The following PIAS4 variants were observed in gnomAD, a reference collection of about 807,000 sequenced individuals.
PIAS4 encodes protein inhibitor of activated STAT 4, also known as E3 SUMO-protein ligase PIAS4.
A neutral mutation model predicts 58.0 loss-of-function variants in PIAS4; 7 were observed. That is an observed-to-expected ratio of 0.12 (90% confidence interval 0.07 to 0.23). PIAS4 has a LOEUF of 0.23. Among genes scored for constraint, PIAS4 ranks in the 10% least tolerant of loss-of-function variants. The pLI is 1.00. For missense variants in PIAS4, 550 were observed against 709.5 expected, an observed-to-expected ratio of 0.78 and a Z score of 2.55; for synonymous variants, 364 against 312.4, an observed-to-expected ratio of 1.17 and a Z score of -1.74.
chr19:4,035,918 ACACACCTG>A (rs2040273684), intron 9 of PIAS4, among the ~76,000 whole-genome samples: 1 of 55,140 alleles, frequency 1.8e-5, no homozygotes, highest in African/African-American at 6.6e-5. Context: ...CGTCTCACAC[ACACACCTG>A]CACACATCCA....
Position 4,037,255 on chromosome 19 carries a change from G to A in PIAS4, c.1143-119G>A, listed in dbSNP as rs2040308054. 7.6e-7 allele frequency: 1 copy of A among 1,318,938 alleles called. No homozygotes were observed. Among genetic ancestry groups the A allele is most frequent in the East Asian group, 2.4e-5 (1 of 41,892 alleles). The allele number at this position is 1,318,938 out of a possible 1,614,324, so 81.7% of individuals were successfully genotyped here. A position where few individuals can be genotyped will look rare whatever the true frequency, so the allele number is the denominator to read the frequency against. On this transcript the variant is annotated intron_variant, in intron 9 of 10. Coordinates refer to ENST00000262971, the MANE Select transcript of PIAS4 (RefSeq NM_015897.4). This position sits in a 1 kb window ranked among gnomAD's most constrained non-coding sequence, Gnocchi z 5.8. ...TGGACCCCTGCGGTCGGGGTGGTGAGGCTGCTCTTGCAGAGAGAAGTGGGG... is the reference window on the plus strand; with the variant it reads ...TGGACCCCTGCGGTCGGGGTGGTGAAGCTGCTCTTGCAGAGAGAAGTGGGG...
In PIAS4 at chr19:4,029,158, T is replaced by G. The variant is rs1323499228; in HGVS notation, c.907+122T>G. ...ATCGATCAGGGGCCGCCTGTCACTCTGGGGGTCCATGGCCCCCCGGCTGTG... is the reference window on the plus strand; with the variant it reads ...ATCGATCAGGGGCCGCCTGTCACTCGGGGGGTCCATGGCCCCCCGGCTGTG... On this transcript the variant is annotated intron_variant, in intron 7 of 10. Coordinates refer to ENST00000262971, the MANE Select transcript of PIAS4 (RefSeq NM_015897.4). 17 of 683,754 alleles carry G rather than the reference T, an allele frequency of 2.5e-5. No individual in the cohort carries two copies. The Middle Eastern group carries it at 1.2e-3, about 47-fold the overall frequency. 42.4% of individuals were successfully genotyped at this position (683,754 alleles called of 1,614,324 possible).
At chr19:4,025,015 C>T (rs2040148521) in intron 3 of PIAS4, among the ~76,000 whole-genome samples, 1 of 152,246 alleles carries the variant, frequency 6.6e-6, no homozygotes, top group African/African-American at 2.4e-5. Context: ...TCACCCACCT[C>T]AGCCTCCCAG....
chr19:4,037,333 G>T lies in PIAS4; in HGVS notation c.1143-41G>T. 1 of 1,563,318 alleles carries T rather than the reference G, an allele frequency of 6.4e-7. No homozygotes were observed. On this transcript the variant is annotated intron_variant, in intron 9 of 10. Coordinates refer to ENST00000262971, the MANE Select transcript of PIAS4 (RefSeq NM_015897.4). This position sits in a 1 kb window ranked among gnomAD's most constrained non-coding sequence, Gnocchi z 5.8. ...GAGGGCTGGGGAGTTGGGGGGGTGG[G>T]GCACCTCCAGCCCCGGCGTCAGCTG...
chr19:4,009,092 A>G (rs557516450), intron 1 of PIAS4, among the ~76,000 whole-genome samples: 7 of 152,140 alleles, frequency 4.6e-5, no homozygotes, highest in African/African-American at 1.7e-4. Context: ...AAACCCTTAG[A>G]AGTGCCCGCA....
At chr19:4,009,616 A>G (rs771516347) in intron 1 of PIAS4, among the ~76,000 whole-genome samples, 5 of 151,790 alleles carry the variant, frequency 3.3e-5, no homozygotes, top group Admixed American at 6.6e-5. Context: ...GGTTCTCTAA[A>G]CCGTGAGCCT....
At chr19:4,028,666 G>A (rs898641781) in intron 5 of PIAS4, 54 bp from the exon 6 acceptor site, 38 of 1,603,304 alleles carry the variant, frequency 2.4e-5, no homozygotes, top group East Asian at 6.7e-5. Flanking sequence ...GGTGGGGGCC[G>A]TCGGATTTCC....
At chr19:4,028,048 T>C in intron 3 of PIAS4, 98 bp from the exon 4 acceptor site, 1 of 1,135,274 alleles carries the variant, frequency 8.8e-7, no homozygotes, top group Non-Finnish European at 1.3e-6. Context: ...GGAGGGAGCC[T>C]TGTGGTGTGG....
intron 1 of PIAS4, among the ~76,000 whole-genome samples, chr19:4,011,095 C>T (rs552747660): frequency 1.4e-4 from 22 of 152,352 alleles, no homozygotes; most frequent in African/African-American, 5.1e-4. Flanking sequence ...GAAACCTCAG[C>T]GCCTCCTGGC....
intron 3 of PIAS4, among the ~76,000 whole-genome samples, chr19:4,027,391 C>T (rs1296532830): frequency 6.6e-6 from 1 of 152,144 alleles, no homozygotes; most frequent in Admixed American, 6.6e-5. Flanking sequence ...TGGGTCGCGT[C>T]CCGTGCGTGT....
At chr19:4,032,421 C>T (rs1339242750) in intron 7 of PIAS4, among the ~76,000 whole-genome samples, 3 of 152,180 alleles carry the variant, frequency 2.0e-5, no homozygotes, top group African/African-American at 7.2e-5. Context: ...TGGGATGGAG[C>T]CACATCCCAG....
rs529025410 is a variant in PIAS4, at chr19:4,037,113, G to A, written c.1143-261G>A. The stretch of plus-strand genomic sequence containing the variant: ...ACTCCCTGCTCTTGTGGGTAGTTGG[G>A]GGCCACTGGGTATGTGTGTCCATGC... On this transcript the variant is annotated intron_variant, in intron 9 of 10. Coordinates refer to ENST00000262971, the MANE Select transcript of PIAS4 (RefSeq NM_015897.4). This position sits in a 1 kb window ranked among gnomAD's most constrained non-coding sequence, Gnocchi z 5.8. Among the ~76,000 whole-genome samples the A allele has an allele frequency of 6.6e-6, 1 of 152,356 alleles. No homozygotes were observed. Among genetic ancestry groups the A allele is most frequent in the South Asian group, 2.1e-4 (1 of 4,826 alleles).
intron 2 of PIAS4, among the ~76,000 whole-genome samples, chr19:4,014,339 G>A (rs2040030317): frequency 6.6e-6 from 1 of 152,176 alleles, no homozygotes; most frequent in African/African-American, 2.4e-5. Flanking sequence ...GGTGGGCATT[G>A]AGCCCAGTCT....
intron 9 of PIAS4, 44 bp downstream of exon 9, chr19:4,033,624 G>T (rs374125083): frequency 1.3e-6 from 2 of 1,521,082 alleles, no homozygotes; most frequent in South Asian, 2.4e-5. Flanking sequence ...CCGGACATCC[G>T]TGGAGGTCTC....
chr19:4,028,318 G>A, intron 4 of PIAS4, 131 bp downstream of exon 4: 4 of 844,268 alleles, frequency 4.7e-6, no homozygotes, highest in South Asian at 4.7e-5. Flanking sequence ...CTCACCTGCT[G>A]TCTATCCCTG....
chr19:4,029,730 C>CT (rs1357830906), intron 7 of PIAS4, among the ~76,000 whole-genome samples: 5 of 151,278 alleles, frequency 3.3e-5, no homozygotes, highest in Non-Finnish European at 7.4e-5. Context: ...ACTGTAGCCT[C>CT]TAACTCGGGC....
At chr19:4,020,210 C>T (rs971890853) in intron 2 of PIAS4, among the ~76,000 whole-genome samples, 5 of 152,164 alleles carry the variant, frequency 3.3e-5, no homozygotes, top group African/African-American at 1.2e-4. Context: ...GCCACTGCAC[C>T]CGGCTTCTCG....
chr19:4,019,066 G>A (rs992519559), intron 2 of PIAS4, among the ~76,000 whole-genome samples: 1 of 152,156 alleles, frequency 6.6e-6, no homozygotes, highest in African/African-American at 2.4e-5. Flanking sequence ...GCAGTCGTCT[G>A]CACCGGGCGG....
intron 3 of PIAS4, among the ~76,000 whole-genome samples, chr19:4,027,919 GT>G (rs2040183216): frequency 6.6e-6 from 1 of 152,030 alleles, no homozygotes; most frequent in Non-Finnish European, 1.5e-5. Context: ...CTGGTTCAGG[GT>G]TTTGCTGTGG....
Sources: gnomAD v4.1 joint callset for allele counts (sites outside exome capture counted in the v4.1 genomes callset) on GRCh38, gnomAD v4.1.1 for gene constraint, Gnocchi (gnomAD v3.1) non-coding constraint, MANE v1.5 for transcripts, NCBI Gene and HGNC (gene_info 2026-07-23, HGNC 2026-07-21) for gene names.